Variants in TMEM132D observed in about 807,000 individuals in gnomAD.
TMEM132D encodes the protein transmembrane protein 132D.
Under a neutral mutation model 62.3 loss-of-function variants are expected in TMEM132D, and 21 were observed. That is an observed-to-expected ratio of 0.34 (90% CI 0.24 to 0.49). The LOEUF is 0.49. Ranked by LOEUF, TMEM132D falls within the 20% of genes least tolerant of loss-of-function variation. TMEM132D has a pLI of 0.99. For synonymous variants in TMEM132D, 621 were observed against 575.6 expected (o/e 1.08, Z -1.13); for missense variants, 1,346 against 1,402.8 (o/e 0.96, Z 0.65).
chr12:129,367,649 G>T (rs1279760446), intron 3 of TMEM132D, among the ~76,000 whole-genome samples: 1 of 152,180 alleles, frequency 6.6e-6, no homozygotes, highest in Non-Finnish European at 1.5e-5. Context: ...GTAGCCAGAG[G>T]CAGAGAGAAA....
chr12:129,604,160 C>T (rs1878554685), intron 2 of TMEM132D, among the ~76,000 whole-genome samples: 1 of 151,830 alleles, frequency 6.6e-6, no homozygotes, highest in South Asian at 2.1e-4. Context: ...ACACCAGGGC[C>T]CGTCGAGGGG....
rs11060364 is a variant in TMEM132D, at chr12:129,471,508, T to G, written c.1115+59551A>C. 5.3e-3 allele frequency among the ~76,000 whole-genome samples: 802 copies of G among 152,240 alleles called. 28 individuals are homozygous for G. In the East Asian group the frequency reaches 0.077, roughly 15 times the overall value. ...AGCTGTTCCTCCATCCTTCTCCCTC[T>G]CCTCGGGCCTTCCTATTTCTGACAA... On this transcript the variant is annotated intron_variant, in intron 3 of 8. Coordinates refer to ENST00000422113, the MANE Select transcript of TMEM132D (RefSeq NM_133448.3).
chr12:129,260,384 G>A (rs577831444), intron 4 of TMEM132D, among the ~76,000 whole-genome samples: 1 of 152,304 alleles, frequency 6.6e-6, no homozygotes, highest in South Asian at 2.1e-4. Context: ...TCAAGTGGCT[G>A]GGGTGACAAC....
At chr12:129,692,648 C>T (rs1293927827) in intron 2 of TMEM132D, among the ~76,000 whole-genome samples, 1 of 152,122 alleles carries the variant, frequency 6.6e-6, no homozygotes, top group Admixed American at 6.5e-5. Context: ...ACATAGACAC[C>T]ATGGGATACT....
In TMEM132D at chr12:129,479,777, G is replaced by C. The variant is rs575096488; in HGVS notation, c.1115+51282C>G. 6.8e-5 allele frequency among the ~76,000 whole-genome samples: 10 copies of C among 147,532 alleles called. No individual in the cohort carries two copies. The South Asian group carries it at 2.3e-3, about 34-fold the overall frequency. ...AAGAAAGTTCTCACTGTGTCCTAGA[G>C]ATTTGAAGAAAGTTCTCACTGTGTC... On this transcript the variant is annotated intron_variant, in intron 3 of 8. Transcript: ENST00000422113.
intron 1 of TMEM132D, among the ~76,000 whole-genome samples, chr12:129,721,108 G>A (rs1868810970): frequency 6.6e-6 from 1 of 152,228 alleles, no homozygotes; most frequent in Admixed American, 6.5e-5. Flanking sequence ...GTATTGGGGA[G>A]GGGTTTTTGA....
intron 2 of TMEM132D, among the ~76,000 whole-genome samples, chr12:129,560,659 T>C (rs155707): frequency 0.85 from 128,709 of 152,208 alleles, 54,514 homozygotes; most frequent in East Asian, 0.95. Context: ...AGGAATAAAT[T>C]AGGCAGGTGA....
chr12:129,881,382 C>T (rs1433754520), intron 1 of TMEM132D, among the ~76,000 whole-genome samples: 3 of 151,902 alleles, frequency 2.0e-5, no homozygotes, highest in Non-Finnish European at 2.9e-5. Context: ...CTCCTCACAA[C>T]AGCACAAAAT....
At chr12:129,100,016 G>A (rs1046787871) in intron 5 of TMEM132D, among the ~76,000 whole-genome samples, 7 of 121,058 alleles carry the variant, frequency 5.8e-5, no homozygotes, top group East Asian at 2.0e-4. Context: ...TAGTAGAGAC[G>A]GGGCCACTTT....
intron 5 of TMEM132D, among the ~76,000 whole-genome samples, chr12:129,130,015 C>CTGTGTGTGTGTGTGTGTG (rs59282376): frequency 2.2e-4 from 31 of 141,952 alleles, no homozygotes; most frequent in Non-Finnish European, 3.2e-4. Context: ...AAGCTCTGCT[C>CTGTGTGTGTGTGTGTGTG]TGTGTGTGTG....
At position 129,226,607 on chromosome 12, in the gene TMEM132D, C is replaced by T. The variant is rs113201421; in HGVS notation, c.1300-16944G>A. 7.2e-4 allele frequency among the ~76,000 whole-genome samples: 109 copies of T among 152,310 alleles called. 1 individual carries two copies. In the South Asian group the frequency reaches 9.3e-3, roughly 13 times the overall value. ...AAGTGACAGCTCCAGGTAATTGCTG[C>T]CTTATAGGAATGTGAACCAGACTGA... On this transcript the variant is annotated intron_variant, in intron 4 of 8. Transcript: ENST00000422113.
chr12:129,241,199 C>G (rs1324413452), intron 4 of TMEM132D, among the ~76,000 whole-genome samples: 4 of 144,946 alleles, frequency 2.8e-5, no homozygotes, highest in African/African-American at 1.0e-4. Context: ...AAACAACCAA[C>G]TTTCCAATCA....
At chr12:129,153,150 T>C (rs1328931763) in intron 5 of TMEM132D, among the ~76,000 whole-genome samples, 1 of 151,948 alleles carries the variant, frequency 6.6e-6, no homozygotes, top group Non-Finnish European at 1.5e-5. Context: ...AACCCTCGAG[T>C]CCTTTGCTGT....
intron 5 of TMEM132D, among the ~76,000 whole-genome samples, chr12:129,094,988 C>T (rs1212340648): frequency 7.1e-6 from 1 of 141,406 alleles, no homozygotes; most frequent in African/African-American, 2.7e-5. Context: ...ACAATGAGAA[C>T]ACATGGACAC....
At chr12:129,799,072 C>T (rs1414037523) in intron 1 of TMEM132D, among the ~76,000 whole-genome samples, 1 of 152,116 alleles carries the variant, frequency 6.6e-6, no homozygotes, top group Non-Finnish European at 1.5e-5. Flanking sequence ...GAGACCAATC[C>T]TGTCCAACAC....
intron 3 of TMEM132D, among the ~76,000 whole-genome samples, chr12:129,392,789 A>G (rs12321373): frequency 0.22 from 33,491 of 152,220 alleles, 3,960 homozygotes; most frequent in Non-Finnish European, 0.27. Flanking sequence ...ATTTGTAAAC[A>G]TCTGCACTAC....
At chr12:129,228,993 C>T (rs888349890) in intron 4 of TMEM132D, among the ~76,000 whole-genome samples, 1 of 152,204 alleles carries the variant, frequency 6.6e-6, no homozygotes, top group Non-Finnish European at 1.5e-5. Context: ...GGCCTCTCTC[C>T]TCTTCTCCAG....
At chr12:129,776,943 T>TCATTTC (rs1445738863) in intron 1 of TMEM132D, among the ~76,000 whole-genome samples, 1 of 152,200 alleles carries the variant, frequency 6.6e-6, no homozygotes, top group African/African-American at 2.4e-5. Context: ...TTGAATAGCG[T>TCATTTC]CATTTCCAAC....
chr12:129,515,957 T>G (rs2137077332), intron 3 of TMEM132D, among the ~76,000 whole-genome samples: 1 of 152,352 alleles, frequency 6.6e-6, no homozygotes, highest in Admixed American at 6.5e-5. Flanking sequence ...GTGTCAGCCA[T>G]GAACCATGCA....
Sources: gnomAD v4.1 joint callset for allele counts (sites outside exome capture counted in the v4.1 genomes callset) on GRCh38, gnomAD v4.1.1 for gene constraint, MANE v1.5 for transcripts, NCBI Gene and HGNC (gene_info 2026-07-23, HGNC 2026-07-21) for gene names.